Variants in AGAP1 observed in about 807,000 individuals in gnomAD.
The protein encoded by AGAP1 is arf-GAP with GTPase, ANK repeat and PH domain-containing protein 1.
In AGAP1, 29 loss-of-function variants were observed where a neutral mutation model predicts 105.3. The observed-to-expected ratio is 0.28, with a 90% confidence interval of 0.21 to 0.38. AGAP1 has a LOEUF of 0.38. AGAP1 is among the 10% of genes least tolerant of loss of function. AGAP1 has a pLI of 1.00. For missense variants in AGAP1, 998 were observed against 1,165.1 expected (o/e 0.86, Z 2.09); for synonymous variants, 509 against 485.9 (o/e 1.05, Z -0.63).
rs1389194096 is a variant in AGAP1 at position 236,020,404 on chromosome 2, T to C, written c.1646-16157T>C. ...GAATTTAGAAATGAAACTTAACCTGTTATCTAGACTTTTAAACCTACCCTC... is the reference window on the plus strand; with the variant it reads ...GAATTTAGAAATGAAACTTAACCTGCTATCTAGACTTTTAAACCTACCCTC... On this transcript the variant is annotated intron_variant, in intron 13 of 17. Transcript: ENST00000304032. This position sits in a 1 kb window ranked among gnomAD's most constrained non-coding sequence, Gnocchi z 5.0. 6.6e-6 allele frequency among the ~76,000 whole-genome samples: 1 copy of C among 152,188 alleles called. No individual in the cohort carries two copies. The highest frequency in any genetic ancestry group is 1.5e-5 in the Non-Finnish European group (1 of 68,026).
chr2:235,720,672 G>A lies in AGAP1; in HGVS notation c.310+3028G>A, dbSNP rs563396004. 3.0e-5 allele frequency: 30 copies of A among 985,254 alleles called. No homozygotes were observed. The highest frequency in any genetic ancestry group is 5.2e-4 in the Middle Eastern group (1 of 1,936). 61.0% of individuals were successfully genotyped at this position (985,254 alleles called of 1,614,324 possible). A position where few individuals can be genotyped will look rare whatever the true frequency, so the allele number is the denominator to read the frequency against. On this transcript the variant is annotated intron_variant, in intron 3 of 17. Transcript: ENST00000304032. This position sits in a 1 kb window ranked among gnomAD's most constrained non-coding sequence, Gnocchi z 5.0. ...AGATAGTTCCTTGGATTCTCCCTGC[G>A]CTTCTTAATGTCTGTGCCCTGTTCT... is the stretch of plus-strand genomic sequence containing the variant.
rs139556155 is a variant in AGAP1, at chr2:235,664,973, C to A, written c.164-44206C>A. Among the ~76,000 whole-genome samples the A allele has an allele frequency of 5.1e-4, 78 of 152,288 alleles. 1 individual carries two copies. The highest frequency in any genetic ancestry group is 1.7e-3 in the African/African-American group (72 of 41,558). On this transcript the variant is annotated intron_variant, in intron 1 of 17. Coordinates refer to ENST00000304032, the MANE Select transcript of AGAP1 (RefSeq NM_001037131.3). The surrounding 1 kb of genome is among the most constrained non-coding windows in gnomAD (Gnocchi z 5.7). ...TGGTGGCTCACGCCTGTAATCCCAGCACTTTAGGAGGCCAAGATGGGAGAA... is the reference window on the plus strand; with the variant it reads ...TGGTGGCTCACGCCTGTAATCCCAGAACTTTAGGAGGCCAAGATGGGAGAA...
rs937551933 is a variant in AGAP1 at position 235,930,874 on chromosome 2, C to T, written c.1434C>T (p.Ala478=). 3 of 1,613,990 alleles carry T rather than the reference C, an allele frequency of 1.9e-6. No homozygotes were observed. The highest frequency in any genetic ancestry group is 2.2e-5 in the East Asian group (1 of 44,872). Residue 478 remains alanine, a synonymous_variant, in exon 12 of 18, where the codon GCC becomes GCT. Coordinates refer to ENST00000304032, the MANE Select transcript of AGAP1 (RefSeq NM_001037131.3). The surrounding 1 kb of genome is among the most constrained non-coding windows in gnomAD (Gnocchi z 7.9). ...MHQRSYSVSS[A]DQWSEATVIA... ...AGCGCTCCTACTCAGTCTCCAGTGCCGACCAGTGGAGTGAGGCTACGGTCA... is the reference window on the plus strand; with the variant it reads ...AGCGCTCCTACTCAGTCTCCAGTGCTGACCAGTGGAGTGAGGCTACGGTCA...
intron 1 of AGAP1, among the ~76,000 whole-genome samples, chr2:235,588,133 G>A (rs1210005903): frequency 6.6e-6 from 1 of 152,074 alleles, no homozygotes; most frequent in Non-Finnish European, 1.5e-5. Flanking sequence ...GGGAGACTGA[G>A]GCGGGAGAAT....
intron 13 of AGAP1, among the ~76,000 whole-genome samples, chr2:236,007,440 G>C (rs1264622789): frequency 6.6e-6 from 1 of 152,198 alleles, no homozygotes; most frequent in Non-Finnish European, 1.5e-5. Flanking sequence ...AAGGGTGGTT[G>C]TTTGCCATTG....
At position 235,590,158 on chromosome 2, in the gene AGAP1, G is replaced by A. The variant is rs1945279019; in HGVS notation, c.163+95309G>A. Among the ~76,000 whole-genome samples, 4 of 152,204 alleles carry A rather than the reference G, an allele frequency of 2.6e-5. No individual in the cohort carries two copies. In the South Asian group the frequency reaches 8.3e-4, roughly 31 times the overall value. ...GGCCTCCCAAAGTGCTGGGATTCCAGGCGTGAGCCACCGCGCCCGGCCCTT... is the reference window on the plus strand; with the variant it reads ...GGCCTCCCAAAGTGCTGGGATTCCAAGCGTGAGCCACCGCGCCCGGCCCTT... On this transcript the variant is annotated intron_variant, in intron 1 of 17. Coordinates refer to ENST00000304032, the MANE Select transcript of AGAP1 (RefSeq NM_001037131.3).
rs1345636034 is a variant in AGAP1 at position 235,732,722 on chromosome 2, T to A, written c.311-8241T>A. 6.6e-6 allele frequency among the ~76,000 whole-genome samples: 1 copy of A among 152,172 alleles called. No individual in the cohort carries two copies. ...CATTGTCTTTCCCTGAGACCGATGCTGACCACTGGGAAGACTTCTCCCTCA... is the reference window on the plus strand; with the variant it reads ...CATTGTCTTTCCCTGAGACCGATGCAGACCACTGGGAAGACTTCTCCCTCA... On this transcript the variant is annotated intron_variant, in intron 3 of 17. Transcript: ENST00000304032. The surrounding 1 kb of genome is among the most constrained non-coding windows in gnomAD (Gnocchi z 4.8).
Position 235,720,489 on chromosome 2 carries a change from C to G in AGAP1, c.310+2845C>G, listed in dbSNP as rs547071743. Among the ~76,000 whole-genome samples, 30 of 152,104 alleles carry G rather than the reference C, an allele frequency of 2.0e-4. No homozygotes were observed. The highest frequency in any genetic ancestry group is 1.2e-3 in the South Asian group (6 of 4,806). ...CACAGTGGTGGGAGTGGTTGGCGCC[C>G]GGTTGAGGGATTGGATTTTGAGTGA... On this transcript the variant is annotated intron_variant, in intron 3 of 17. Transcript: ENST00000304032. This position sits in a 1 kb window ranked among gnomAD's most constrained non-coding sequence, Gnocchi z 5.0.
intron 2 of AGAP1, 42 bp downstream of exon 2, chr2:235,709,279 G>C (rs200994437): frequency 1.3e-4 from 202 of 1,600,960 alleles, no homozygotes; most frequent in Middle Eastern, 3.3e-4. Flanking sequence ...GGGAAGGGAG[G>C]GGCTCTGTGC....
Position 235,663,031 on chromosome 2 carries a change from T to C in AGAP1, c.164-46148T>C, listed in dbSNP as rs953996566. Reference sequence around the variant, plus strand: ...ACCGAGCTAGGGACACGCTGGCTAATAGAGGAAGGAGAGCTGGGTATGGTG... The same window carrying C: ...ACCGAGCTAGGGACACGCTGGCTAACAGAGGAAGGAGAGCTGGGTATGGTG... On this transcript the variant is annotated intron_variant, in intron 1 of 17. Coordinates refer to ENST00000304032, the MANE Select transcript of AGAP1 (RefSeq NM_001037131.3). This position sits in a 1 kb window ranked among gnomAD's most constrained non-coding sequence, Gnocchi z 5.4. 3.9e-5 allele frequency among the ~76,000 whole-genome samples: 6 copies of C among 152,050 alleles called. No individual in the cohort carries two copies. Among genetic ancestry groups the C allele is most frequent in the African/African-American group, 9.7e-5 (4 of 41,408 alleles).
In AGAP1 at chr2:236,095,023, C is replaced by T. The variant is rs1286695404; in HGVS notation, c.2115-25169C>T. On this transcript the variant is annotated intron_variant, in intron 16 of 17. Transcript: ENST00000304032. The surrounding 1 kb of genome is among the most constrained non-coding windows in gnomAD (Gnocchi z 4.1). ...ATGAGATGGGAGGATCACTTGAGCC[C>T]GGGAGGTCCAGGCTGCAGTGAGCCC... Among the ~76,000 whole-genome samples, 2 of 151,830 alleles carry T rather than the reference C, an allele frequency of 1.3e-5. No homozygotes were observed. The highest frequency in any genetic ancestry group is 2.4e-5 in the African/African-American group (1 of 41,312).
intron 16 of AGAP1, among the ~76,000 whole-genome samples, chr2:236,059,537 G>A (rs2058134430): frequency 6.6e-6 from 1 of 152,028 alleles, no homozygotes; most frequent in Admixed American, 6.6e-5. Context: ...TGAAGAAGTT[G>A]GAGATCTCAC....
At chr2:236,081,700 G>A (rs1240186858) in intron 16 of AGAP1, among the ~76,000 whole-genome samples, 1 of 137,206 alleles carries the variant, frequency 7.3e-6, no homozygotes, top group Non-Finnish European at 1.6e-5. Flanking sequence ...GCAATTATCT[G>A]TATAAAATAC....
chr2:235,803,592 A>G (rs1248419058), intron 8 of AGAP1, among the ~76,000 whole-genome samples: 2 of 152,214 alleles, frequency 1.3e-5, no homozygotes, highest in East Asian at 3.9e-4. Flanking sequence ...TAAAGAGGCC[A>G]TAGTTAATTA....
At chr2:235,594,886 T>TTG (rs1273129288) in intron 1 of AGAP1, among the ~76,000 whole-genome samples, 1 of 111,442 alleles carries the variant, frequency 9.0e-6, no homozygotes, top group Non-Finnish European at 2.2e-5. Context: ...GATTGCTGTT[T>TTG]TTTTTTTTTT....
Position 235,631,976 on chromosome 2 carries a change from A to G in AGAP1, c.164-77203A>G, listed in dbSNP as rs1376133597. ...GCCACCATCTGAGACTGGGACAGCA[A>G]GGGTCATGTTGGCATTGGAAGGGGT... On this transcript the variant is annotated intron_variant, in intron 1 of 17. Coordinates refer to ENST00000304032, the MANE Select transcript of AGAP1 (RefSeq NM_001037131.3). This position sits in a 1 kb window ranked among gnomAD's most constrained non-coding sequence, Gnocchi z 5.4. Among the ~76,000 whole-genome samples, 1 of 152,218 alleles carries G rather than the reference A, an allele frequency of 6.6e-6. No homozygotes were observed. Among genetic ancestry groups the G allele is most frequent in the African/African-American group, 2.4e-5 (1 of 41,452 alleles).
chr2:235,917,381 G>T (rs994745521), intron 11 of AGAP1, among the ~76,000 whole-genome samples: 2 of 152,136 alleles, frequency 1.3e-5, no homozygotes, highest in Admixed American at 6.5e-5. Context: ...CAAACTAATA[G>T]CATGAATATT....
At chr2:236,039,426 C>T (rs974305981) in intron 14 of AGAP1, among the ~76,000 whole-genome samples, 2 of 152,166 alleles carry the variant, frequency 1.3e-5, no homozygotes, top group Non-Finnish European at 2.9e-5. Context: ...GGCAACAGAG[C>T]AAGACCCTCT....
intron 13 of AGAP1, among the ~76,000 whole-genome samples, chr2:235,987,933 G>A (rs1227013701): frequency 2.0e-5 from 3 of 152,096 alleles, no homozygotes; most frequent in East Asian, 1.9e-4. Context: ...TACAAAAATA[G>A]GTGATATAAA....
Sources: gnomAD v4.1 joint callset for allele counts (sites outside exome capture counted in the v4.1 genomes callset) on GRCh38, gnomAD v4.1.1 for gene constraint, Gnocchi (gnomAD v3.1) non-coding constraint, MANE v1.5 for transcripts, NCBI Gene and HGNC (gene_info 2026-07-23, HGNC 2026-07-21) for gene names.